Variants in BANK1 observed in about 807,000 individuals in gnomAD.
BANK1 encodes B-cell scaffold protein with ankyrin repeats.
Under a neutral mutation model 94.5 loss-of-function variants are expected in BANK1, and 95 were observed. That is an observed-to-expected ratio of 1.00 (90% CI 0.85 to 1.19). BANK1 has a LOEUF of 1.19. Ranked by LOEUF, BANK1 falls within the 50% of genes most tolerant of loss-of-function variation. BANK1 has a pLI of 0.00. For missense variants in BANK1, 987 were observed against 932.2 expected (o/e 1.06, Z -0.77); for synonymous variants, 334 against 308.4 (o/e 1.08, Z -0.87).
chr4:102,060,971 C>A (rs1728400246), intron 12 of BANK1, among the ~76,000 whole-genome samples: 1 of 152,128 alleles, frequency 6.6e-6, no homozygotes, highest in Admixed American at 6.5e-5. Flanking sequence ...AAATATACCA[C>A]ACACACCCCT....
chr4:101,866,694 T>A lies in BANK1; in HGVS notation c.764-3811T>A, dbSNP rs1728082660. Among the ~76,000 whole-genome samples, 4 of 112,662 alleles carry A rather than the reference T, an allele frequency of 3.6e-5. 2 individuals carry two copies. The highest frequency in any genetic ancestry group is 7.2e-5 in the Non-Finnish European group (4 of 55,376). The allele number at this position is 112,662 out of a possible 152,430, so 73.9% of individuals were successfully genotyped here. ...ATACCCAAAGGACTATAAATCATGC[T>A]GCTATAAAGACACATGCACACGTAT... On this transcript the variant is annotated intron_variant, in intron 4 of 16. Transcript: ENST00000322953.
At chr4:102,046,051 G>A (rs1340896519) in intron 11 of BANK1, among the ~76,000 whole-genome samples, 1 of 149,670 alleles carries the variant, frequency 6.7e-6, no homozygotes, top group South Asian at 2.2e-4. Context: ...TATACTACAA[G>A]GCTACAGTAA....
intron 9 of BANK1, among the ~76,000 whole-genome samples, chr4:102,026,020 C>T (rs754089240): frequency 9.9e-5 from 15 of 152,170 alleles, no homozygotes; most frequent in Non-Finnish European, 1.9e-4. Context: ...GAGAATTAAG[C>T]GTTAAAGGGT....
intron 5 of BANK1, among the ~76,000 whole-genome samples, chr4:101,893,772 A>C (rs1721963892): frequency 6.6e-6 from 1 of 152,106 alleles, no homozygotes; most frequent in Non-Finnish European, 1.5e-5. Context: ...TAAAACCTAA[A>C]TAAGTTTAAT....
intron 7 of BANK1, among the ~76,000 whole-genome samples, chr4:101,969,345 G>A (rs1724871052): frequency 6.6e-6 from 1 of 152,004 alleles, no homozygotes; most frequent in Admixed American, 6.6e-5. Flanking sequence ...TTGTGTCTCT[G>A]GCTAATGAAA....
At chr4:101,942,738 G>C (rs1179793955) in intron 7 of BANK1, among the ~76,000 whole-genome samples, 2 of 151,734 alleles carry the variant, frequency 1.3e-5, no homozygotes, top group Admixed American at 1.3e-4. Context: ...GTCCTGGGTG[G>C]TAAATGAGAG....
intron 7 of BANK1, among the ~76,000 whole-genome samples, chr4:102,006,814 G>T (rs1054142738): frequency 6.6e-6 from 1 of 150,932 alleles, no homozygotes; most frequent in Non-Finnish European, 1.5e-5. Flanking sequence ...GCCCACACTT[G>T]TTTAGCTAGT....
intron 1 of BANK1, among the ~76,000 whole-genome samples, chr4:101,802,047 A>G (rs1053706386): frequency 6.6e-6 from 1 of 152,154 alleles, no homozygotes; most frequent in African/African-American, 2.4e-5. Flanking sequence ...GGAAAATGCA[A>G]TATTTGGGCA....
At position 101,840,264 on chromosome 4, in the gene BANK1, G is replaced by A. The variant is rs1726996300; in HGVS notation, c.469+10058G>A. On this transcript the variant is annotated intron_variant, in intron 2 of 16. Coordinates refer to ENST00000322953, the MANE Select transcript of BANK1 (RefSeq NM_017935.5). ...ATCACAGGCGTGAGCCACCGCGCCC[G>A]GCCAAATATTTAATTTTATAGTGTG... Among the ~76,000 whole-genome samples the A allele has an allele frequency of 2.0e-5, 3 of 151,878 alleles. No individual in the cohort carries two copies. The South Asian group carries it at 6.2e-4, about 31-fold the overall frequency.
intron 7 of BANK1, among the ~76,000 whole-genome samples, chr4:101,984,909 A>G (rs1037015236): frequency 2.0e-5 from 3 of 152,144 alleles, no homozygotes; most frequent in African/African-American, 4.8e-5. Context: ...ATAAAAGCCT[A>G]TAACAATCAT....
At chr4:101,831,007 CCTCTT>C (rs1349523894) in intron 2 of BANK1, among the ~76,000 whole-genome samples, 1 of 151,964 alleles carries the variant, frequency 6.6e-6, no homozygotes, top group Non-Finnish European at 1.5e-5. Flanking sequence ...TCAAATAGTC[CCTCTT>C]CTCTAAGATC....
intron 1 of BANK1, among the ~76,000 whole-genome samples, chr4:101,822,338 C>A (rs1726190381): frequency 2.0e-5 from 3 of 151,772 alleles, no homozygotes; most frequent in Admixed American, 1.3e-4. Flanking sequence ...CGCCACTGCA[C>A]TCCAGCCTTA....
At chr4:102,023,910 A>G (rs773641039) in intron 8 of BANK1, among the ~76,000 whole-genome samples, 1 of 152,170 alleles carries the variant, frequency 6.6e-6, no homozygotes, top group South Asian at 2.1e-4. Flanking sequence ...GCATTTCTAG[A>G]GACTACTTCA....
chr4:102,004,624 T>C (rs1488397116), intron 7 of BANK1, among the ~76,000 whole-genome samples: 1 of 152,190 alleles, frequency 6.6e-6, no homozygotes, highest in Non-Finnish European at 1.5e-5. Context: ...TGAAGCCTCA[T>C]AAAGTCATAG....
intron 1 of BANK1, among the ~76,000 whole-genome samples, chr4:101,821,430 T>G (rs1290634809): frequency 6.6e-6 from 1 of 152,246 alleles, no homozygotes; most frequent in Non-Finnish European, 1.5e-5. Flanking sequence ...TACTTTCTTT[T>G]GCTGTTCAGA....
intron 3 of BANK1, among the ~76,000 whole-genome samples, chr4:101,857,244 C>T (rs1465721746): frequency 1.3e-5 from 2 of 152,198 alleles, no homozygotes; most frequent in Non-Finnish European, 2.9e-5. Flanking sequence ...CTACCTCAGT[C>T]AGTCACCAGG....
At chr4:101,947,292 T>C (rs1379528284) in intron 7 of BANK1, among the ~76,000 whole-genome samples, 1 of 57,092 alleles carries the variant, frequency 1.8e-5, no homozygotes, top group Non-Finnish European at 4.1e-5. Context: ...TAAATATATA[T>C]ATATATATAT....
chr4:101,790,784 CA>C lies in BANK1; in HGVS notation c.-94del. 1 of 1,337,744 alleles carries C rather than the reference CA, an allele frequency of 7.5e-7. No homozygotes were observed. The highest frequency in any genetic ancestry group is 1.0e-6 in the Non-Finnish European group (1 of 967,926). 82.9% of individuals were successfully genotyped at this position (1,337,744 alleles called of 1,614,324 possible). A position where few individuals can be genotyped will look rare whatever the true frequency, so the allele number is the denominator to read the frequency against. ...AAGCGGGCTGGGGAGAGCCGAGGGC[CA>C]AAGGAAGAGAAAATCGCGGGGAGTC... On this transcript the variant is annotated 5_prime_UTR_variant, in exon 1 of 17. Coordinates refer to ENST00000322953, the MANE Select transcript of BANK1 (RefSeq NM_017935.5).
intron 7 of BANK1, among the ~76,000 whole-genome samples, chr4:102,004,264 C>A (rs1477030428): frequency 6.6e-6 from 1 of 152,140 alleles, no homozygotes; most frequent in Non-Finnish European, 1.5e-5. Flanking sequence ...TGAATAGATA[C>A]AACCTATAAT....
Sources: gnomAD v4.1 joint callset for allele counts (sites outside exome capture counted in the v4.1 genomes callset) on GRCh38, gnomAD v4.1.1 for gene constraint, MANE v1.5 for transcripts, NCBI Gene and HGNC (gene_info 2026-07-23, HGNC 2026-07-21) for gene names.